Variants in TAF4B observed in about 807,000 individuals in gnomAD.
The protein encoded by TAF4B is transcription initiation factor TFIID subunit 4B.
Under a neutral mutation model 86.4 loss-of-function variants are expected in TAF4B, and 38 were observed. The observed-to-expected ratio is 0.44, with a 90% CI of 0.34 to 0.58. The LOEUF (loss-of-function observed/expected upper bound fraction) is 0.58. TAF4B is among the 20% of genes least tolerant of loss of function. The pLI, the probability that TAF4B is intolerant of heterozygous loss-of-function variation, is 0.02. For missense variants in TAF4B, 988 were observed against 1,027.6 expected, an observed-to-expected ratio of 0.96 and a Z score of 0.53; for synonymous variants, 388 against 391.2, an observed-to-expected ratio of 0.99 and a Z score of 0.10.
chr18:26,292,215 A>G (rs1178042316), intron 7 of TAF4B, 31 bp from the exon 8 acceptor site: 2 of 1,602,132 alleles, frequency 1.2e-6, no homozygotes, highest in South Asian at 1.1e-5. Context: ...CTTAAGTTGA[A>G]CAACTATATT....
At chr18:26,264,305 G>C (rs528501908) in intron 1 of TAF4B, among the ~76,000 whole-genome samples, 3 of 152,306 alleles carry the variant, frequency 2.0e-5, no homozygotes, top group Admixed American at 2.0e-4. Flanking sequence ...GCTGGGCATG[G>C]TGGTGCATGC....
intron 1 of TAF4B, among the ~76,000 whole-genome samples, chr18:26,250,390 G>A (rs1188489838): frequency 6.6e-6 from 1 of 151,750 alleles, no homozygotes; most frequent in Admixed American, 6.6e-5. Context: ...CGAGCTACTC[G>A]AGAGGCTGAG....
intron 1 of TAF4B, chr18:26,255,659 G>A (rs117623396): frequency 0.053 from 66,936 of 1,265,890 alleles, 2,037 homozygotes; most frequent in Middle Eastern, 0.062. Context: ...AAATTTAGAT[G>A]GTTTTTTTTG....
chr18:26,322,431 T>C (rs1791763), intron 11 of TAF4B, among the ~76,000 whole-genome samples: 53,745 of 150,730 alleles, frequency 0.36, 11,606 homozygotes, highest in East Asian at 0.81. Flanking sequence ...AATATCAGTA[T>C]TTTATAATTC....
chr18:26,231,300 C>T (rs1212654413), intron 1 of TAF4B, among the ~76,000 whole-genome samples: 2 of 148,568 alleles, frequency 1.3e-5, no homozygotes, highest in African/African-American at 4.9e-5. Flanking sequence ...ACCTTGGCCT[C>T]CCAAAATGCT....
At chr18:26,356,791 G>T (rs2057291530) in intron 13 of TAF4B, among the ~76,000 whole-genome samples, 2 of 137,952 alleles carry the variant, frequency 1.4e-5, no homozygotes, top group African/African-American at 2.6e-5. Context: ...CTCACTTGGT[G>T]TTTTTTTTTT....
chr18:26,286,620 ATTT>A (rs34204451), intron 7 of TAF4B, 121 bp downstream of exon 7: 1,536 of 780,962 alleles, frequency 2.0e-3, no homozygotes, highest in South Asian at 3.4e-3. Context: ...TGACCAATTA[ATTT>A]TTTTTTTTTT....
At chr18:26,237,072 GT>G (rs2055760424) in intron 1 of TAF4B, among the ~76,000 whole-genome samples, 1 of 152,152 alleles carries the variant, frequency 6.6e-6, no homozygotes, top group Admixed American at 6.5e-5. Context: ...TAGAACACAG[GT>G]CAACAGATGT....
At chr18:26,315,784 C>T (rs1477954445) in intron 10 of TAF4B, among the ~76,000 whole-genome samples, 1 of 152,098 alleles carries the variant, frequency 6.6e-6, no homozygotes, top group African/African-American at 2.4e-5. Flanking sequence ...AAGAAAGTAA[C>T]TCCCTTTCCC....
intron 9 of TAF4B, among the ~76,000 whole-genome samples, chr18:26,300,778 C>A (rs964346317): frequency 6.6e-6 from 1 of 151,896 alleles, no homozygotes; most frequent in African/African-American, 2.4e-5. Flanking sequence ...ATCTTCTATA[C>A]CCTGGGCTTT....
intron 13 of TAF4B, among the ~76,000 whole-genome samples, chr18:26,342,204 T>G (rs1598812542): frequency 1.3e-5 from 2 of 152,206 alleles, no homozygotes; most frequent in East Asian, 3.8e-4. Context: ...GTGATACACT[T>G]TGTTTCTCTA....
intron 13 of TAF4B, among the ~76,000 whole-genome samples, chr18:26,347,725 A>C (rs1295982713): frequency 6.6e-6 from 1 of 152,216 alleles, no homozygotes; most frequent in African/African-American, 2.4e-5. Context: ...AAAGTGAAGA[A>C]TAGAAAAAGA....
At chr18:26,236,325 C>T (rs570199645) in intron 1 of TAF4B, among the ~76,000 whole-genome samples, 11 of 152,098 alleles carry the variant, frequency 7.2e-5, no homozygotes, top group Middle Eastern at 3.2e-3. Flanking sequence ...ACCTTGAGGA[C>T]GGCTGTCTGG....
intron 5 of TAF4B, among the ~76,000 whole-genome samples, chr18:26,281,626 C>T (rs1193405031): frequency 1.3e-5 from 2 of 152,182 alleles, no homozygotes; most frequent in African/African-American, 4.8e-5. Context: ...AACTGAGTAA[C>T]TTCCTGTTCC....
rs559362261 is a variant in TAF4B, at chr18:26,314,121, C to G, written c.1833-1108C>G. On this transcript the variant is annotated intron_variant, in intron 9 of 14. Coordinates refer to ENST00000269142, the MANE Select transcript of TAF4B (RefSeq NM_005640.3). ...TATTTCCTTTTTCTGTGCACAGATG[C>G]ATTACCACAGAGAAATTTGTAATTT... Among the ~76,000 whole-genome samples, 5 of 152,212 alleles carry G rather than the reference C, an allele frequency of 3.3e-5. No individual in the cohort carries two copies. The South Asian group carries it at 1.0e-3, about 32-fold the overall frequency.
At chr18:26,366,091 A>G (rs2057369692) in intron 14 of TAF4B, among the ~76,000 whole-genome samples, 1 of 152,070 alleles carries the variant, frequency 6.6e-6, no homozygotes. Flanking sequence ...CGCCCGGCCT[A>G]TTATTTTATT....
intron 1 of TAF4B, among the ~76,000 whole-genome samples, chr18:26,259,479 T>C (rs1235838410): frequency 7.6e-6 from 1 of 132,264 alleles, no homozygotes; most frequent in South Asian, 2.5e-4. Context: ...TTCCCCACCC[T>C]GTGTCCAAGT....
chr18:26,234,402 C>T (rs1329322437), intron 1 of TAF4B, among the ~76,000 whole-genome samples: 1 of 152,204 alleles, frequency 6.6e-6, no homozygotes, highest in African/African-American at 2.4e-5. Context: ...GTTGGGAACT[C>T]CCTTTCTTTC....
intron 13 of TAF4B, among the ~76,000 whole-genome samples, chr18:26,353,039 A>G (rs984986831): frequency 2.0e-5 from 3 of 152,164 alleles, no homozygotes; most frequent in Admixed American, 6.5e-5. Context: ...CTTCCAGACA[A>G]TAGAAGAGAT....
Sources: gnomAD v4.1 joint callset for allele counts (sites outside exome capture counted in the v4.1 genomes callset) on GRCh38, gnomAD v4.1.1 for gene constraint, MANE v1.5 for transcripts, NCBI Gene and HGNC (gene_info 2026-07-23, HGNC 2026-07-21) for gene names.